Variants in SIPA1L2 observed in about 807,000 individuals in gnomAD.
SIPA1L2 encodes signal-induced proliferation-associated 1-like protein 2.
In SIPA1L2, 56 loss-of-function variants were observed where a neutral mutation model predicts 163.9. The observed-to-expected ratio is 0.34, with a 90% CI of 0.28 to 0.43. The LOEUF is 0.43. Ranked by LOEUF, SIPA1L2 falls within the 20% of genes least tolerant of loss-of-function variation. SIPA1L2 has a pLI of 1.00. For missense variants in SIPA1L2, 1,974 were observed against 2,193.5 expected, an observed-to-expected ratio of 0.90 and a Z score of 2.00; for synonymous variants, 877 against 865.7, an observed-to-expected ratio of 1.01 and a Z score of -0.23.
intron 10 of SIPA1L2, among the ~76,000 whole-genome samples, chr1:232,447,495 A>T (rs557985755): frequency 1.3e-5 from 2 of 152,372 alleles, no homozygotes; most frequent in East Asian, 1.9e-4. Flanking sequence ...GGTACAATTT[A>T]AAAAAGGTGT....
At chr1:232,572,764 T>C (rs61825450) in intron 2 of SIPA1L2, among the ~76,000 whole-genome samples, 44,473 of 90,042 alleles carry the variant, frequency 0.49, 9,262 homozygotes, top group African/African-American at 0.63. Context: ...TATATATATA[T>C]ATATATATAT....
intron 1 of SIPA1L2, among the ~76,000 whole-genome samples, chr1:232,609,902 A>G (rs573733205): frequency 1.3e-5 from 2 of 152,222 alleles, no homozygotes; most frequent in Admixed American, 1.3e-4. Flanking sequence ...AAAATCTTAA[A>G]ATAATGATAT....
intron 2 of SIPA1L2, among the ~76,000 whole-genome samples, chr1:232,573,694 G>T (rs1271077946): frequency 2.0e-5 from 3 of 152,058 alleles, no homozygotes; most frequent in African/African-American, 7.2e-5. Context: ...CCCAGCCCCG[G>T]GCAGAGCAGG....
intron 1 of SIPA1L2, among the ~76,000 whole-genome samples, chr1:232,616,605 G>A (rs1470388248): frequency 2.0e-5 from 3 of 152,210 alleles, no homozygotes; most frequent in Non-Finnish European, 4.4e-5. Flanking sequence ...AGGTGGAGGA[G>A]AGCAGCCTAC....
intron 9 of SIPA1L2, chr1:232,462,478 C>T (rs931698193): frequency 3.1e-6 from 3 of 973,184 alleles, no homozygotes; most frequent in East Asian, 5.7e-5. Context: ...TCCATGGTTA[C>T]CACAAGTGCA....
At chr1:232,495,112 T>C (rs1666113885) in intron 3 of SIPA1L2, among the ~76,000 whole-genome samples, 1 of 152,124 alleles carries the variant, frequency 6.6e-6, no homozygotes, top group African/African-American at 2.4e-5. Context: ...CCTGAATCAC[T>C]CAGAACACAC....
At chr1:232,461,292 T>C in intron 9 of SIPA1L2, 131 bp from the exon 10 acceptor site, 1 of 1,130,492 alleles carries the variant, frequency 8.8e-7, no homozygotes, top group Non-Finnish European at 1.3e-6. Context: ...TGTCTCTCTC[T>C]GCCTTTTCCT....
In SIPA1L2 at chr1:232,428,402, G is replaced by A. The variant is rs749661838; in HGVS notation, c.4410+9C>T. 2.3e-6 allele frequency: 3 copies of A among 1,303,894 alleles called. No individual in the cohort carries two copies. The highest frequency in any genetic ancestry group is 3.1e-6 in the Non-Finnish European group (3 of 982,528). 80.8% of individuals were successfully genotyped at this position (1,303,894 alleles called of 1,614,324 possible). A position where few individuals can be genotyped will look rare whatever the true frequency, so the allele number is the denominator to read the frequency against. ...TTCTGGTAACTTCAAAGCTCCCTAAGTCACTAACCTTTCTTCGCCCCTCCT... is the reference window on the plus strand; with the variant it reads ...TTCTGGTAACTTCAAAGCTCCCTAAATCACTAACCTTTCTTCGCCCCTCCT... On this transcript the variant is annotated intron_variant, in intron 17 of 22. Coordinates refer to ENST00000674635, the MANE Select transcript of SIPA1L2 (RefSeq NM_020808.5).
intron 12 of SIPA1L2, among the ~76,000 whole-genome samples, 188 bp downstream of exon 12, chr1:232,443,414 A>C (rs957652840): frequency 6.6e-6 from 1 of 152,218 alleles, no homozygotes; most frequent in African/African-American, 2.4e-5. Context: ...GAACATCGAC[A>C]AGTGAGCACT....
chr1:232,496,867 CAA>C (rs1313044144), intron 3 of SIPA1L2, among the ~76,000 whole-genome samples: 1 of 152,036 alleles, frequency 6.6e-6, no homozygotes, highest in Non-Finnish European at 1.5e-5. Context: ...AGTCATAAGA[CAA>C]AAGCTTCCTT....
At chr1:232,618,313 A>T (rs1282066329) in intron 1 of SIPA1L2, among the ~76,000 whole-genome samples, 1 of 152,224 alleles carries the variant, frequency 6.6e-6, no homozygotes, top group African/African-American at 2.4e-5. Context: ...TGCTCAGGCG[A>T]GGCGAGCTCT....
At chr1:232,537,079 T>C (rs778691220) in intron 2 of SIPA1L2, among the ~76,000 whole-genome samples, 9 of 151,830 alleles carry the variant, frequency 5.9e-5, no homozygotes, top group Non-Finnish European at 7.4e-5. Context: ...GTACAAGAAA[T>C]AGAAAAATTA....
At chr1:232,608,830 G>C (rs6678180) in intron 1 of SIPA1L2, among the ~76,000 whole-genome samples, 2 of 151,922 alleles carry the variant, frequency 1.3e-5, no homozygotes, top group African/African-American at 4.8e-5. Context: ...CACCTACCTG[G>C]GACTGTAAGA....
At chr1:232,501,449 G>A (rs1487825319) in intron 3 of SIPA1L2, among the ~76,000 whole-genome samples, 1 of 152,106 alleles carries the variant, frequency 6.6e-6, no homozygotes, top group Admixed American at 6.5e-5. Context: ...CCAGCCATAA[G>A]ACAGGTGCAT....
chr1:232,432,235 C>T lies in SIPA1L2; in HGVS notation c.4256+12G>A, dbSNP rs765371503. Reference sequence around the variant, plus strand: ...AAAATGCTGACCAGAGAAGAACAGCCAGCCACCTTACCCGGGACATTCAGT... The same window carrying T: ...AAAATGCTGACCAGAGAAGAACAGCTAGCCACCTTACCCGGGACATTCAGT... On this transcript the variant is annotated intron_variant, in intron 16 of 22. Coordinates refer to ENST00000674635, the MANE Select transcript of SIPA1L2 (RefSeq NM_020808.5). 2.2e-5 allele frequency: 36 copies of T among 1,611,040 alleles called. No individual in the cohort carries two copies. In the South Asian group the frequency reaches 2.5e-4, roughly 11 times the overall value.
chr1:232,473,040 C>T (rs921138308), intron 7 of SIPA1L2, among the ~76,000 whole-genome samples: 3 of 152,190 alleles, frequency 2.0e-5, no homozygotes, highest in Admixed American at 6.5e-5. Context: ...TACATTAGTA[C>T]ATCATAATAC....
intron 2 of SIPA1L2, among the ~76,000 whole-genome samples, chr1:232,534,276 C>T (rs555996416): frequency 2.0e-5 from 3 of 152,266 alleles, no homozygotes; most frequent in African/African-American, 7.2e-5. Context: ...GGTGCCAAAC[C>T]ATTCAATGGG....
intron 2 of SIPA1L2, among the ~76,000 whole-genome samples, chr1:232,519,432 C>T (rs1667361305): frequency 6.6e-6 from 1 of 152,112 alleles, no homozygotes; most frequent in East Asian, 1.9e-4. Flanking sequence ...TGAATGGTAC[C>T]ACTCCAAAAC....
intron 3 of SIPA1L2, among the ~76,000 whole-genome samples, chr1:232,510,462 C>G (rs993638463): frequency 6.6e-6 from 1 of 152,166 alleles, no homozygotes; most frequent in Admixed American, 6.5e-5. Context: ...AAACGATAAG[C>G]GTACATCCAC....
Sources: gnomAD v4.1 joint callset for allele counts (sites outside exome capture counted in the v4.1 genomes callset) on GRCh38, gnomAD v4.1.1 for gene constraint, MANE v1.5 for transcripts, NCBI Gene and HGNC (gene_info 2026-07-23, HGNC 2026-07-21) for gene names.